Variants in DKK3 observed in about 807,000 individuals in gnomAD.
The protein encoded by DKK3 is dickkopf Wnt signaling pathway inhibitor 3, also known as dickkopf-related protein 3.
A neutral mutation model predicts 33.2 loss-of-function variants in DKK3; 22 were observed. The observed-to-expected ratio is 0.66, with a 90% CI of 0.47 to 0.95. The LOEUF is 0.95. DKK3 is among the 40% of genes least tolerant of loss of function. The pLI is 0.00. For synonymous variants in DKK3, 194 were observed against 188.8 expected (o/e 1.03, Z -0.23); for missense variants, 398 against 458.4 (o/e 0.87, Z 1.20).
At chr11:12,005,242 A>G (rs1036959584) in intron 1 of DKK3, among the ~76,000 whole-genome samples, 2 of 152,362 alleles carry the variant, frequency 1.3e-5, no homozygotes, top group Non-Finnish European at 2.9e-5. Flanking sequence ...CAACAGAATG[A>G]GCTAACGGTT....
chr11:12,007,941 A>G (rs1848571527), intron 1 of DKK3, among the ~76,000 whole-genome samples: 2 of 152,214 alleles, frequency 1.3e-5, no homozygotes, highest in South Asian at 4.1e-4. Flanking sequence ...CCTGCATGGC[A>G]TCCTAACAAG....
In DKK3 at chr11:12,008,500, G is replaced by A; in HGVS notation, c.83C>T (p.Thr28Ile). The change falls in exon 1 of 7, where the codon ACC (threonine) becomes ATC (isoleucine). Residue 28 changes from threonine (T) to isoleucine (I), a missense_variant. Transcript: ENST00000683431. The surrounding 1 kb of genome is among the most constrained non-coding windows in gnomAD (Gnocchi z 4.6). ...CGGGCCGGGCTTGACTGGAGCCGAG[G>A]TCGCCGTCGGAGCGGGCGCGGGGGC... The part of the protein sequence containing the change: ...PTAPAPAPTA[T>I]SAPVKPGPAL... 7 of 1,596,418 alleles carry A rather than the reference G, an allele frequency of 4.4e-6. No individual in the cohort carries two copies. Among genetic ancestry groups the A allele is most frequent in the Non-Finnish European group, 5.1e-6 (6 of 1,176,362 alleles).
chr11:12,006,895 G>A (rs1848548036), intron 1 of DKK3, among the ~76,000 whole-genome samples: 1 of 152,208 alleles, frequency 6.6e-6, no homozygotes, highest in South Asian at 2.1e-4. Flanking sequence ...GATAAGGAAA[G>A]CAGATGGCCT....
rs1020578933 is a variant in DKK3 at position 11,963,736 on chromosome 11, G to A, written c.*728C>T. The stretch of plus-strand genomic sequence containing the variant: ...TAGTGGAGAGAGCACTGAGCTTAGA[G>A]TCACAACCAGATGAAACTGCTCTGG... On this transcript the variant is annotated 3_prime_UTR_variant, in exon 7 of 7. Transcript: ENST00000683431. The A allele has an allele frequency of 1.3e-5, 2 of 152,348 alleles. No individual in the cohort carries two copies. The highest frequency in any genetic ancestry group is 4.8e-5 in the African/African-American group (2 of 41,444). 9.4% of individuals were successfully genotyped at this position (152,348 alleles called of 1,614,324 possible).
At chr11:11,968,730 A>C in intron 3 of DKK3, 1 of 448,714 alleles carries the variant, frequency 2.2e-6, no homozygotes, top group Non-Finnish European at 4.0e-6. Flanking sequence ...AAATTCACAC[A>C]ATCGCCATCT....
chr11:11,964,254 CCTGA>C lies in DKK3; in HGVS notation c.*206_*209del. ...AAACTGCTCCTGCAGTTTAACCCTG[CCTGA>C]CTCTCCCAAGCACCAGACTGTGAAG... On this transcript the variant is annotated 3_prime_UTR_variant, in exon 7 of 7. Transcript: ENST00000683431. 4.6e-6 allele frequency: 3 copies of C among 645,850 alleles called. No homozygotes were observed. Among genetic ancestry groups the C allele is most frequent in the Non-Finnish European group, 7.9e-6 (3 of 380,572 alleles). 40.0% of individuals were successfully genotyped at this position (645,850 alleles called of 1,614,324 possible). A position where few individuals can be genotyped will look rare whatever the true frequency, so the allele number is the denominator to read the frequency against.
intron 3 of DKK3, among the ~76,000 whole-genome samples, chr11:11,991,579 G>T (rs1848188755): frequency 1.3e-5 from 2 of 151,802 alleles, no homozygotes; most frequent in Admixed American, 1.3e-4. Flanking sequence ...ACAGAAAAAA[G>T]CCTGGCACCT....
At chr11:11,988,324 C>A (rs1236022636) in intron 3 of DKK3, among the ~76,000 whole-genome samples, 1 of 152,188 alleles carries the variant, frequency 6.6e-6, no homozygotes, top group East Asian at 1.9e-4. Context: ...AGGTTTCCTG[C>A]CTGATTGGAG....
intron 3 of DKK3, among the ~76,000 whole-genome samples, chr11:11,992,647 C>T (rs1164430943): frequency 2.0e-5 from 3 of 152,184 alleles, no homozygotes; most frequent in African/African-American, 7.2e-5. Flanking sequence ...ACTGACCTTT[C>T]TCCCTGACAA....
At chr11:12,009,159 GC>G, upstream of DKK3, 1 of 983,160 alleles carries the variant, frequency 1.0e-6, no homozygotes, top group Non-Finnish European at 1.2e-6. Context: ...CCCCGCCGCC[GC>G]CCCTCACCCA....
chr11:11,968,276 C>T, intron 4 of DKK3, 119 bp downstream of exon 4: 2 of 893,464 alleles, frequency 2.2e-6, no homozygotes, highest in South Asian at 1.8e-5. Flanking sequence ...CTCTTGGGTC[C>T]TCCCCATCAT....
chr11:11,998,756 T>C lies in DKK3; in HGVS notation c.375A>G (p.Gln125=). ...TGATAACTGTCTCTGAAAAGACCAT[T>C]TGTCCAGTCTGGTTGTTGGTTATCT... The part of the protein sequence containing the change: ...IHKITNNQTG[Q]MVFSETVITS... Residue 125 remains glutamine (Q), a synonymous_variant, in exon 3 of 7, where the codon CAA becomes CAG. Coordinates refer to ENST00000683431, the MANE Select transcript of DKK3 (RefSeq NM_001018057.2). 1 of 1,614,194 alleles carries C rather than the reference T, an allele frequency of 6.2e-7. No homozygotes were observed.
chr11:12,008,690 G>A (rs906459629), upstream of DKK3: 3 of 777,200 alleles, frequency 3.9e-6, no homozygotes, highest in South Asian at 1.4e-4. This position sits in a 1 kb window ranked among gnomAD's most constrained non-coding sequence, Gnocchi z 4.6. Flanking sequence ...CCGCCCCGCC[G>A]CCCGCCCCTG....
At chr11:11,989,952 G>T (rs1044962380) in intron 3 of DKK3, among the ~76,000 whole-genome samples, 1 of 152,214 alleles carries the variant, frequency 6.6e-6, no homozygotes, top group African/African-American at 2.4e-5. Flanking sequence ...GTGAAGGAAT[G>T]CAAGTCAGAT....
At chr11:11,979,387 GT>G (rs1002648376) in intron 3 of DKK3, among the ~76,000 whole-genome samples, 12 of 152,240 alleles carry the variant, frequency 7.9e-5, no homozygotes, top group African/African-American at 2.4e-4. Flanking sequence ...TCAGTGTGAA[GT>G]CCCCCATGTG....
At chr11:11,967,975 G>A (rs918250198) in intron 4 of DKK3, among the ~76,000 whole-genome samples, 5 of 152,086 alleles carry the variant, frequency 3.3e-5, no homozygotes, top group African/African-American at 1.2e-4. Flanking sequence ...TATTAGGATG[G>A]GTCATCCCCA....
At chr11:11,998,065 T>C (rs994514356) in intron 3 of DKK3, 1 of 152,716 alleles carries the variant, frequency 6.5e-6, no homozygotes, top group Non-Finnish European at 1.5e-5. Context: ...GTCTGGGAGT[T>C]AGGAGACCAG....
intron 3 of DKK3, among the ~76,000 whole-genome samples, chr11:11,993,895 C>T (rs1268162295): frequency 6.6e-6 from 1 of 152,128 alleles, no homozygotes; most frequent in African/African-American, 2.4e-5. Flanking sequence ...CTTATCAGTA[C>T]CCAACCATCG....
chr11:11,999,811 T>C (rs1848385579), intron 2 of DKK3, among the ~76,000 whole-genome samples: 1 of 152,214 alleles, frequency 6.6e-6, no homozygotes. Context: ...ATCTTTAAGG[T>C]CTCTGCCAGC....
Sources: allele counts gnomAD v4.1 joint callset (sites outside exome capture counted in the v4.1 genomes callset), GRCh38; gene constraint gnomAD v4.1.1; non-coding constraint Gnocchi (gnomAD v3.1); transcripts MANE v1.5; gene names NCBI Gene and HGNC (gene_info 2026-07-23, HGNC 2026-07-21).